DSCAML1: variants seen among roughly 807,000 people sequenced by gnomAD.
DSCAML1 encodes DS cell adhesion molecule like 1, also known as cell adhesion molecule DSCAML1.
A neutral mutation model predicts 200.5 loss-of-function variants in DSCAML1; 38 were observed. That is an observed-to-expected ratio of 0.19 (90% CI 0.15 to 0.25). The LOEUF is 0.25. Ranked by LOEUF, DSCAML1 falls within the 10% of genes least tolerant of loss-of-function variation. DSCAML1 has a pLI of 1.00. For missense variants in DSCAML1, 2,223 were observed against 2,858.8 expected (o/e 0.78, Z 5.07); for synonymous variants, 1,215 against 1,165.0 (o/e 1.04, Z -0.87).
chr11:117,590,972 A>AG (rs999756430), intron 3 of DSCAML1, among the ~76,000 whole-genome samples: 2 of 152,194 alleles, frequency 1.3e-5, no homozygotes, highest in Non-Finnish European at 2.9e-5. Flanking sequence ...AGCACAAAAC[A>AG]GGGGGAGTGA....
At chr11:117,583,625 C>A (rs116025315) in intron 3 of DSCAML1, among the ~76,000 whole-genome samples, 111 of 152,320 alleles carry the variant, frequency 7.3e-4, no homozygotes, top group African/African-American at 2.6e-3. Context: ...CAGGTCTGCC[C>A]TCCCCCCATC....
At chr11:117,579,813 A>T (rs1371856829) in intron 3 of DSCAML1, among the ~76,000 whole-genome samples, 2 of 152,236 alleles carry the variant, frequency 1.3e-5, no homozygotes, top group Admixed American at 1.3e-4. Flanking sequence ...CAAATAAATA[A>T]GTAAATGTAA....
At chr11:117,547,784 T>A (rs763294366) in intron 3 of DSCAML1, among the ~76,000 whole-genome samples, 2 of 152,170 alleles carry the variant, frequency 1.3e-5, no homozygotes, top group East Asian at 1.9e-4. Context: ...GCTGAAAACA[T>A]CTCGTGGCTT....
chr11:117,450,636 C>A lies in DSCAML1; in HGVS notation c.3621G>T (p.Val1207=). Residue 1207 remains valine, a synonymous_variant, in exon 20 of 33, where the codon GTG becomes GTT. Transcript: ENST00000651296. ...TGGTAGGGGGGAGCCAAGACACAACCACACTGCTAGCTGATGAAGGGACAG... is the reference window on the plus strand; with the variant it reads ...TGGTAGGGGGGAGCCAAGACACAACAACACTGCTAGCTGATGAAGGGACAG... ...IKAVPSSASS[V]VVSWLPPTKP... is the part of the protein sequence containing the mutation. 1 of 1,614,218 alleles carries A rather than the reference C, an allele frequency of 6.2e-7. No homozygotes were observed.
intron 3 of DSCAML1, among the ~76,000 whole-genome samples, chr11:117,597,955 G>A (rs1321741450): frequency 6.6e-6 from 1 of 152,076 alleles, no homozygotes; most frequent in African/African-American, 2.4e-5. Flanking sequence ...TTCAGCCTGG[G>A]CATACTGAGC....
chr11:117,437,818 C>T lies in DSCAML1; in HGVS notation c.4432+77G>A, dbSNP rs2047951490. 7.1e-7 allele frequency: 1 copy of T among 1,410,066 alleles called. No homozygotes were observed. Among genetic ancestry groups the T allele is most frequent in the Non-Finnish European group, 9.4e-7 (1 of 1,061,546 alleles). The allele number at this position is 1,410,066 out of a possible 1,614,324, so 87.3% of individuals were successfully genotyped here. On this transcript the variant is annotated intron_variant, in intron 25 of 32. Transcript: ENST00000651296. This position sits in a 1 kb window ranked among gnomAD's most constrained non-coding sequence, Gnocchi z 5.3. ...CTCCTTCCCCACCCCAGCCACCTTA[C>T]ACCCCATACCTGGCCCCTCTAGCCC...
At chr11:117,596,857 A>G (rs1247044434) in intron 3 of DSCAML1, among the ~76,000 whole-genome samples, 1 of 152,206 alleles carries the variant, frequency 6.6e-6, no homozygotes, top group Non-Finnish European at 1.5e-5. Flanking sequence ...CCAGTCTCTT[A>G]TATAAAGGTC....
chr11:117,802,214 T>G (rs1737064530), upstream of DSCAML1, among the ~76,000 whole-genome samples: 1 of 152,156 alleles, frequency 6.6e-6, no homozygotes, highest in Admixed American at 6.5e-5. Flanking sequence ...GTGCCCCCCT[T>G]TTTCACCTGT....
At chr11:117,742,207 C>G (rs1319261148) in intron 3 of DSCAML1, among the ~76,000 whole-genome samples, 2 of 152,184 alleles carry the variant, frequency 1.3e-5, no homozygotes, top group African/African-American at 4.8e-5. Flanking sequence ...CCTCACTTCA[C>G]AGACTGAGAC....
rs1276103947 is a variant in DSCAML1, at chr11:117,504,750, G to A, written c.2182+174C>T. On this transcript the variant is annotated intron_variant, in intron 10 of 32. Transcript: ENST00000651296. This position sits in a 1 kb window ranked among gnomAD's most constrained non-coding sequence, Gnocchi z 5.0. ...GTTCCTGGTCCACAGACCCCCGGGG[G>A]TGGCTGAGGATGACTCCAGGTGAGG... 6.6e-6 allele frequency among the ~76,000 whole-genome samples: 1 copy of A among 152,268 alleles called. No individual in the cohort carries two copies. Among genetic ancestry groups the A allele is most frequent in the East Asian group, 1.9e-4 (1 of 5,176 alleles).
intron 11 of DSCAML1, among the ~76,000 whole-genome samples, chr11:117,502,920 G>T (rs686133): frequency 0.71 from 108,497 of 151,944 alleles, 39,479 homozygotes; most frequent in South Asian, 0.87. Context: ...TCCCACGACA[G>T]TAAGTCCTGG....
intron 3 of DSCAML1, among the ~76,000 whole-genome samples, chr11:117,771,582 C>T (rs1229616696): frequency 6.6e-6 from 1 of 152,120 alleles, no homozygotes; most frequent in Non-Finnish European, 1.5e-5. Context: ...TATGTGGAAA[C>T]CTAAGGACAC....
At chr11:117,652,285 C>T (rs369575480) in intron 3 of DSCAML1, among the ~76,000 whole-genome samples, 42 of 152,332 alleles carry the variant, frequency 2.8e-4, no homozygotes, top group South Asian at 8.3e-4. Context: ...GTCTCCATGA[C>T]GAGAGAGGTC....
intron 3 of DSCAML1, among the ~76,000 whole-genome samples, chr11:117,646,796 C>T (rs928692932): frequency 8.6e-5 from 13 of 150,850 alleles, no homozygotes; most frequent in African/African-American, 2.2e-4. Context: ...CAGCAGGCCA[C>T]GGGTATTAAC....
rs2048896979 is a variant in DSCAML1 at position 117,480,701 on chromosome 11, G to C, written c.2657-130C>G. 4 of 1,007,918 alleles carry C rather than the reference G, an allele frequency of 4.0e-6. No homozygotes were observed. The highest frequency in any genetic ancestry group is 2.4e-5 in the Admixed American group (1 of 41,950). The allele number at this position is 1,007,918 out of a possible 1,614,324, so 62.4% of individuals were successfully genotyped here. ...TGGCACCCTAGGGTTTGAGCAGGGT[G>C]GGGGCTGGAGGAGGCCAGCAGCCAG... On this transcript the variant is annotated intron_variant, in intron 13 of 32. Coordinates refer to ENST00000651296, the MANE Select transcript of DSCAML1 (RefSeq NM_020693.4). This position sits in a 1 kb window ranked among gnomAD's most constrained non-coding sequence, Gnocchi z 4.1.
At chr11:117,715,771 A>G (rs892889326) in intron 3 of DSCAML1, among the ~76,000 whole-genome samples, 1 of 152,142 alleles carries the variant, frequency 6.6e-6, no homozygotes, top group Non-Finnish European at 1.5e-5. Context: ...GGCAGGAGTC[A>G]CAGTTCTGGC....
intron 3 of DSCAML1, among the ~76,000 whole-genome samples, chr11:117,541,489 C>G (rs1451375976): frequency 1.3e-5 from 2 of 152,214 alleles, no homozygotes; most frequent in Non-Finnish European, 2.9e-5. Context: ...GAACTTCCAA[C>G]CTGGACTCCT....
intron 3 of DSCAML1, among the ~76,000 whole-genome samples, chr11:117,691,719 G>A (rs539820322): frequency 2.6e-5 from 4 of 152,234 alleles, no homozygotes; most frequent in South Asian, 2.1e-4. Context: ...TGACTACATC[G>A]ACACTACATG....
chr11:117,529,997 C>T (rs547153019), intron 4 of DSCAML1, among the ~76,000 whole-genome samples: 1 of 152,132 alleles, frequency 6.6e-6, no homozygotes, highest in South Asian at 2.1e-4. Context: ...CCTGGAGCCC[C>T]GTCGCTCGCT....
Sources: gnomAD v4.1 joint callset for allele counts (sites outside exome capture counted in the v4.1 genomes callset) on GRCh38, gnomAD v4.1.1 for gene constraint, Gnocchi (gnomAD v3.1) non-coding constraint, MANE v1.5 for transcripts, NCBI Gene and HGNC (gene_info 2026-07-23, HGNC 2026-07-21) for gene names.